The following PLPP4 variants were observed in gnomAD, a reference collection of about 807,000 sequenced individuals.
The protein encoded by PLPP4 is diacylglycerol pyrophosphate like 2.
Under a neutral mutation model 32.2 loss-of-function variants are expected in PLPP4, and 20 were observed. The observed-to-expected ratio is 0.62, with a 90% CI of 0.44 to 0.90. PLPP4 has a LOEUF of 0.90. PLPP4 is among the 40% of genes least tolerant of loss of function. PLPP4 has a pLI of 0.00. For missense variants in PLPP4, 257 were observed against 353.1 expected (o/e 0.73, Z 2.18); for synonymous variants, 127 against 133.0 (o/e 0.95, Z 0.31).
intron 5 of PLPP4, among the ~76,000 whole-genome samples, chr10:120,530,075 C>CTTGTATCCTT (rs1444016230): frequency 1.3e-5 from 2 of 152,236 alleles, no homozygotes; most frequent in Admixed American, 1.3e-4. Flanking sequence ...TTCTGCCCTT[C>CTTGTATCCTT]TTGTATCCTG....
intron 1 of PLPP4, among the ~76,000 whole-genome samples, chr10:120,496,422 A>G (rs904661614): frequency 6.6e-6 from 1 of 152,130 alleles, no homozygotes; most frequent in Non-Finnish European, 1.5e-5. Context: ...TGTGATAGAT[A>G]CATACCTTGG....
upstream of PLPP4, chr10:120,456,954 C>T: frequency 6.5e-6 from 1 of 153,394 alleles, no homozygotes; most frequent in South Asian, 1.8e-4. The surrounding 1 kb of genome is among the most constrained non-coding windows in gnomAD (Gnocchi z 4.1). Context: ...GGGGCTTCCC[C>T]GGGCTTCCCC....
intron 6 of PLPP4, among the ~76,000 whole-genome samples, chr10:120,582,877 C>T (rs1174268211): frequency 6.7e-6 from 1 of 149,932 alleles, no homozygotes; most frequent in Non-Finnish European, 1.5e-5. Flanking sequence ...CCACTGGGCT[C>T]AGTACTGAGT....
At chr10:120,537,844 A>G (rs1250079704) in intron 5 of PLPP4, among the ~76,000 whole-genome samples, 3 of 151,882 alleles carry the variant, frequency 2.0e-5, no homozygotes, top group South Asian at 4.2e-4. Context: ...ATAAAGCTGA[A>G]AACAATTAAA....
Position 120,514,013 on chromosome 10 carries a change from A to C in PLPP4, c.256+12A>C. 6.3e-7 allele frequency: 1 copy of C among 1,589,112 alleles called. No individual in the cohort carries two copies. Among genetic ancestry groups the C allele is most frequent in the Non-Finnish European group, 8.6e-7 (1 of 1,157,220 alleles). Reference sequence around the variant, plus strand: ...GGAAGCCTTCTTAGGTAGAGTATTCACAGTTCCTGCTTTAGGGAATGGGGC... The same window carrying C: ...GGAAGCCTTCTTAGGTAGAGTATTCCCAGTTCCTGCTTTAGGGAATGGGGC... On this transcript the variant is annotated intron_variant, in intron 3 of 6. Transcript: ENST00000398250.
rs1402631652 is a variant in PLPP4, at chr10:120,457,479, C to G, written c.56+118C>G. The stretch of plus-strand genomic sequence containing the variant: ...TCCCACTGGGGCCTGGGTTCGAGGT[C>G]CCTTCCCCGCCAAGTGCCCGCAACG... On this transcript the variant is annotated intron_variant, in intron 1 of 6. Transcript: ENST00000398250. 9.8e-6 allele frequency: 8 copies of G among 814,408 alleles called. No homozygotes were observed. In the East Asian group the frequency reaches 2.4e-4, roughly 25 times the overall value. 50.4% of individuals were successfully genotyped at this position (814,408 alleles called of 1,614,324 possible). A position where few individuals can be genotyped will look rare whatever the true frequency, so the allele number is the denominator to read the frequency against.
chr10:120,534,148 G>C (rs189959982), intron 5 of PLPP4, among the ~76,000 whole-genome samples: 67 of 152,132 alleles, frequency 4.4e-4, no homozygotes, highest in African/African-American at 1.5e-3. Flanking sequence ...AGGGGGGTCT[G>C]CTAGCAATGA....
intron 1 of PLPP4, among the ~76,000 whole-genome samples, chr10:120,460,496 T>C (rs911566178): frequency 6.6e-6 from 1 of 152,128 alleles, no homozygotes; most frequent in African/African-American, 2.4e-5. Flanking sequence ...ACCAGTACAA[T>C]AGCAATCATT....
chr10:120,483,208 A>C (rs1023232300), intron 1 of PLPP4, among the ~76,000 whole-genome samples: 1 of 152,298 alleles, frequency 6.6e-6, no homozygotes, highest in Non-Finnish European at 1.5e-5. Context: ...ATTTGGCCAC[A>C]GACTGAAGGC....
At chr10:120,478,088 A>G (rs192262334) in intron 1 of PLPP4, among the ~76,000 whole-genome samples, 2 of 152,266 alleles carry the variant, frequency 1.3e-5, no homozygotes, top group Non-Finnish European at 2.9e-5. Context: ...GCCCTCCCGC[A>G]TTGCCCTTTG....
chr10:120,566,435 C>T (rs530902225), intron 5 of PLPP4, among the ~76,000 whole-genome samples: 69 of 152,154 alleles, frequency 4.5e-4, no homozygotes, highest in African/African-American at 1.3e-3. Flanking sequence ...CAAAAACCTA[C>T]GAGAGTTGGC....
At chr10:120,565,932 C>G (rs1848672268) in intron 5 of PLPP4, among the ~76,000 whole-genome samples, 1 of 151,934 alleles carries the variant, frequency 6.6e-6, no homozygotes, top group South Asian at 2.1e-4. Context: ...TTTCAATTTG[C>G]TAATTCTCTA....
intron 4 of PLPP4, among the ~76,000 whole-genome samples, chr10:120,519,788 G>A (rs539711507): frequency 1.3e-5 from 2 of 152,284 alleles, no homozygotes; most frequent in South Asian, 2.1e-4. Flanking sequence ...GAAAGCAAGC[G>A]CTATGTTTCC....
At chr10:120,474,996 G>A (rs1260940167) in intron 1 of PLPP4, among the ~76,000 whole-genome samples, 3 of 152,174 alleles carry the variant, frequency 2.0e-5, no homozygotes, top group Non-Finnish European at 4.4e-5. Flanking sequence ...AGTATTTTAT[G>A]TGTTGAAACA....
At chr10:120,544,771 A>C (rs1308580430) in intron 5 of PLPP4, among the ~76,000 whole-genome samples, 1 of 152,242 alleles carries the variant, frequency 6.6e-6, no homozygotes, top group African/African-American at 2.4e-5. Context: ...GAAAGAAACC[A>C]GAAAACCTAG....
At chr10:120,570,365 A>G (rs1848877748) in intron 5 of PLPP4, among the ~76,000 whole-genome samples, 1 of 152,186 alleles carries the variant, frequency 6.6e-6, no homozygotes, top group African/African-American at 2.4e-5. Context: ...TTTCTCCCTC[A>G]GAGAAGATCA....
At chr10:120,523,499 T>C (rs1846258514) in intron 5 of PLPP4, among the ~76,000 whole-genome samples, 1 of 152,144 alleles carries the variant, frequency 6.6e-6, no homozygotes, top group Non-Finnish European at 1.5e-5. Flanking sequence ...ATTTTTTGTC[T>C]CCTTGTTTCC....
intron 5 of PLPP4, among the ~76,000 whole-genome samples, chr10:120,566,542 T>TA (rs1848698815): frequency 8.2e-6 from 1 of 122,202 alleles, no homozygotes; most frequent in Non-Finnish European, 1.8e-5. Flanking sequence ...TCCTACTTAT[T>TA]CTTTTTTTTT....
intron 1 of PLPP4, among the ~76,000 whole-genome samples, chr10:120,499,370 A>T (rs1169723079): frequency 2.0e-5 from 3 of 148,780 alleles, no homozygotes; most frequent in Non-Finnish European, 4.4e-5. Flanking sequence ...TTCAGATTGT[A>T]TTGGGTTGGT....
Sources: gnomAD v4.1 joint callset for allele counts (sites outside exome capture counted in the v4.1 genomes callset) on GRCh38, gnomAD v4.1.1 for gene constraint, Gnocchi (gnomAD v3.1) non-coding constraint, MANE v1.5 for transcripts, NCBI Gene and HGNC (gene_info 2026-07-23, HGNC 2026-07-21) for gene names.